RARB: variants seen among roughly 807,000 people sequenced by gnomAD.
RARB encodes retinoic acid receptor beta.
RARB carries 17 observed loss-of-function variants against 51.9 expected under a neutral mutation model. That is an observed-to-expected ratio of 0.33 (90% CI 0.22 to 0.49). RARB has a LOEUF of 0.49. RARB is among the 20% of genes least tolerant of loss of function. RARB has a pLI of 0.99. For missense variants in RARB, 369 were observed against 550.8 expected (o/e 0.67, Z 3.30); for synonymous variants, 215 against 195.4 (o/e 1.10, Z -0.84).
intron 3 of RARB, among the ~76,000 whole-genome samples, chr3:25,544,650 G>T (rs920870235): frequency 8.5e-5 from 13 of 152,136 alleles, no homozygotes; most frequent in African/African-American, 3.1e-4. Context: ...GACTTGTCTG[G>T]CTCATTTGAC....
At chr3:25,573,546 C>T (rs1420098797) in intron 4 of RARB, among the ~76,000 whole-genome samples, 2 of 152,222 alleles carry the variant, frequency 1.3e-5, no homozygotes, top group African/African-American at 4.8e-5. Flanking sequence ...CCGTGCTCTT[C>T]ATTTGTACTA....
rs188316642 is a variant in RARB, at chr3:25,443,660, G to A, written c.157+14772G>A. 8.6e-5 allele frequency among the ~76,000 whole-genome samples: 13 copies of A among 151,800 alleles called. No homozygotes were observed. The East Asian group carries it at 9.7e-4, about 11-fold the overall frequency. On this transcript the variant is annotated intron_variant, in intron 1 of 7. Coordinates refer to ENST00000330688, the MANE Select transcript of RARB (RefSeq NM_000965.5). ...ATGATAAAGCTAAAGGACCGGTTGCGGTGGCTCATGCCTGTAATCCCAGCA... is the reference window on the plus strand; with the variant it reads ...ATGATAAAGCTAAAGGACCGGTTGCAGTGGCTCATGCCTGTAATCCCAGCA...
chr3:25,112,512 C>T (rs1699619616), intron 3 of RARB, among the ~76,000 whole-genome samples: 1 of 152,154 alleles, frequency 6.6e-6, no homozygotes, highest in Non-Finnish European at 1.5e-5. Flanking sequence ...AGTGGTGGCT[C>T]ATACCTGTAA....
intron 5 of RARB, among the ~76,000 whole-genome samples, chr3:25,360,107 T>G (rs1307022010): frequency 1.3e-5 from 2 of 152,160 alleles, no homozygotes; most frequent in Non-Finnish European, 2.9e-5. Flanking sequence ...TGTGTGGGAG[T>G]CTAAGTCTCT....
intron 3 of RARB, among the ~76,000 whole-genome samples, chr3:25,123,193 G>A (rs944043674): frequency 1.3e-5 from 2 of 152,126 alleles, no homozygotes; most frequent in African/African-American, 4.8e-5. Flanking sequence ...TCCATTCATT[G>A]ACAGGTTTGT....
At chr3:25,333,679 G>A (rs1704973210) in intron 5 of RARB, among the ~76,000 whole-genome samples, 2 of 152,170 alleles carry the variant, frequency 1.3e-5, no homozygotes, top group African/African-American at 4.8e-5. Flanking sequence ...TGACAAATGG[G>A]ATCTAATTAA....
intron 2 of RARB, among the ~76,000 whole-genome samples, chr3:24,878,094 G>T (rs114841610): frequency 1.3e-5 from 2 of 152,114 alleles, no homozygotes; most frequent in Admixed American, 6.5e-5. Context: ...AGGCTATGTC[G>T]TTAGCCATAT....
intron 2 of RARB, among the ~76,000 whole-genome samples, chr3:24,915,157 GAAAACA>G (rs1352709487): frequency 6.6e-6 from 1 of 152,044 alleles, no homozygotes; most frequent in Non-Finnish European, 1.5e-5. Context: ...AAAAGTTGAA[GAAAACA>G]AAAACAAACT....
chr3:25,384,240 C>G (rs1706726407), intron 5 of RARB, among the ~76,000 whole-genome samples: 1 of 152,150 alleles, frequency 6.6e-6, no homozygotes, highest in East Asian at 1.9e-4. Context: ...AGTTGTCTGG[C>G]TTTTATCTGA....
At chr3:25,576,784 T>C (rs1700955149) in intron 4 of RARB, among the ~76,000 whole-genome samples, 1 of 152,166 alleles carries the variant, frequency 6.6e-6, no homozygotes, top group Admixed American at 6.5e-5. Context: ...TACCCAGAGC[T>C]ACAGGGTGGC....
chr3:25,209,318 G>A (rs1468946437), intron 5 of RARB, among the ~76,000 whole-genome samples: 1 of 152,186 alleles, frequency 6.6e-6, no homozygotes, highest in South Asian at 2.1e-4. Flanking sequence ...AACTTTGGAA[G>A]CATGAGCACC....
intron 4 of RARB, among the ~76,000 whole-genome samples, chr3:25,134,932 AAAGTTACTAATATATG>A (rs1700009626): frequency 6.6e-6 from 1 of 152,030 alleles, no homozygotes; most frequent in South Asian, 2.1e-4. Context: ...CATGAATTTC[AAAGTTACTAATATATG>A]AAGATTAAAC....
At chr3:25,479,260 A>G (rs1163061313) in intron 2 of RARB, among the ~76,000 whole-genome samples, 1 of 152,142 alleles carries the variant, frequency 6.6e-6, no homozygotes, top group East Asian at 1.9e-4. Flanking sequence ...AAAACTACTC[A>G]GTGAATCTGT....
At chr3:25,344,815 C>A (rs1349785780) in intron 5 of RARB, among the ~76,000 whole-genome samples, 1 of 152,160 alleles carries the variant, frequency 6.6e-6, no homozygotes, top group Non-Finnish European at 1.5e-5. Flanking sequence ...GAATCAAATC[C>A]TAATCCCAGC....
chr3:24,847,322 C>A (rs1280276067), intron 1 of RARB, among the ~76,000 whole-genome samples: 1 of 152,182 alleles, frequency 6.6e-6, no homozygotes, highest in African/African-American at 2.4e-5. Flanking sequence ...GTCTCCTGGT[C>A]TTGTTTCCGC....
intron 1 of RARB, among the ~76,000 whole-genome samples, chr3:24,851,401 C>T (rs1160109746): frequency 6.7e-6 from 1 of 149,540 alleles, no homozygotes; most frequent in Admixed American, 6.7e-5. Flanking sequence ...GCACTCCAGC[C>T]TAGGTGACAG....
intron 1 of RARB, among the ~76,000 whole-genome samples, chr3:24,852,068 C>A (rs1399620869): frequency 6.6e-6 from 1 of 152,042 alleles, no homozygotes; most frequent in Non-Finnish European, 1.5e-5. Context: ...TGCTGGAATT[C>A]CATGGGGAAA....
chr3:25,583,736 G>C (rs1402021948), intron 5 of RARB, among the ~76,000 whole-genome samples: 1 of 152,224 alleles, frequency 6.6e-6, no homozygotes, highest in East Asian at 1.9e-4. Context: ...CCACAGCCGG[G>C]CTTCCTTCAC....
At chr3:25,563,324 C>A (rs1700351192) in intron 3 of RARB, among the ~76,000 whole-genome samples, 2 of 152,200 alleles carry the variant, frequency 1.3e-5, no homozygotes, top group South Asian at 4.1e-4. Context: ...TACTCTTCGG[C>A]ACCCTACCCT....
Sources: allele counts gnomAD v4.1 joint callset (sites outside exome capture counted in the v4.1 genomes callset), GRCh38; gene constraint gnomAD v4.1.1; transcripts MANE v1.5; gene names NCBI Gene and HGNC (gene_info 2026-07-23, HGNC 2026-07-21).